The following MCTP1 variants were observed in gnomAD, a reference collection of about 807,000 sequenced individuals.
MCTP1 encodes the protein multiple C2 and transmembrane domain containing 1.
In MCTP1, 69 loss-of-function variants were observed where a neutral mutation model predicts 120.6. That is an observed-to-expected ratio of 0.57 (90% CI 0.47 to 0.70). The LOEUF (loss-of-function observed/expected upper bound fraction) is 0.70. Ranked by LOEUF, MCTP1 falls within the 30% of genes least tolerant of loss-of-function variation. The probability of loss-of-function intolerance (pLI) is 0.00; values close to 1 mark genes in which losing one functional copy is unlikely to be tolerated. For synonymous variants in MCTP1, 529 were observed against 493.1 expected (o/e 1.07, Z -0.96); for missense variants, 1,203 against 1,248.8 (o/e 0.96, Z 0.55).
chr5:94,984,488 T>C (rs1401724374), intron 2 of MCTP1, among the ~76,000 whole-genome samples: 10 of 152,130 alleles, frequency 6.6e-5, no homozygotes, highest in Admixed American at 5.9e-4. Context: ...AACTATTCAA[T>C]AGCGCATATG....
intron 4 of MCTP1, among the ~76,000 whole-genome samples, chr5:94,940,737 A>G (rs1431721503): frequency 1.3e-5 from 2 of 151,194 alleles, no homozygotes; most frequent in African/African-American, 4.8e-5. Flanking sequence ...AAAAAACTTC[A>G]TTACATTTTT....
Position 94,858,988 on chromosome 5 carries a change from T to C in MCTP1, c.2436+9345A>G, listed in dbSNP as rs536964377. ...GTCATGATCTATGACATTCCCACTG[T>C]GGAGAAATGTGTTCCAAGGTCTAAG... is the stretch of plus-strand genomic sequence containing the variant. On this transcript the variant is annotated intron_variant, in intron 17 of 22. Coordinates refer to ENST00000515393, the MANE Select transcript of MCTP1 (RefSeq NM_024717.7). 2.1e-4 allele frequency among the ~76,000 whole-genome samples: 32 copies of C among 151,798 alleles called. No individual in the cohort carries two copies. The South Asian group carries it at 6.2e-3, about 30-fold the overall frequency.
chr5:95,181,911 A>G (rs749931656), intron 1 of MCTP1, among the ~76,000 whole-genome samples: 30 of 152,208 alleles, frequency 2.0e-4, no homozygotes, highest in Non-Finnish European at 3.2e-4. Flanking sequence ...CAAAGCATGG[A>G]CTTTGGATGC....
At chr5:94,961,700 T>C (rs1824246557) in intron 2 of MCTP1, among the ~76,000 whole-genome samples, 2 of 152,176 alleles carry the variant, frequency 1.3e-5, no homozygotes, top group Non-Finnish European at 2.9e-5. Context: ...CTTAAGTAAA[T>C]CATTCCAGTG....
intron 1 of MCTP1, among the ~76,000 whole-genome samples, chr5:95,207,091 AG>A (rs991315245): frequency 6.6e-6 from 1 of 152,172 alleles, no homozygotes; most frequent in African/African-American, 2.4e-5. Context: ...AGGGTGTGTC[AG>A]GAAAAAATGT....
chr5:94,910,112 G>C (rs1808050618), intron 9 of MCTP1, among the ~76,000 whole-genome samples: 1 of 148,502 alleles, frequency 6.7e-6, no homozygotes, highest in African/African-American at 2.5e-5. Flanking sequence ...GAATATATGA[G>C]TATATATGTA....
At chr5:94,980,096 G>C in intron 2 of MCTP1, among the ~76,000 whole-genome samples, 1 of 152,092 alleles carries the variant, frequency 6.6e-6, no homozygotes, top group East Asian at 1.9e-4. Context: ...TATAGTTTTA[G>C]GAACTTTTAA....
At chr5:95,236,392 C>G (rs1158551709) in intron 1 of MCTP1, among the ~76,000 whole-genome samples, 3 of 152,124 alleles carry the variant, frequency 2.0e-5, no homozygotes, top group South Asian at 2.1e-4. Context: ...CACTTTCTTC[C>G]TAAACGCCAT....
intron 14 of MCTP1, 122 bp from the exon 15 acceptor site, chr5:94,871,095 G>A: frequency 1.3e-6 from 1 of 799,226 alleles, no homozygotes; most frequent in South Asian, 1.6e-5. Flanking sequence ...TGGCAATTCT[G>A]ACAAGTACCT....
chr5:94,895,428 A>G (rs1365275814), intron 10 of MCTP1, among the ~76,000 whole-genome samples: 1 of 152,284 alleles, frequency 6.6e-6, no homozygotes, highest in South Asian at 2.1e-4. Flanking sequence ...CTAAGAGGGG[A>G]TTTCTAATGT....
chr5:94,982,365 T>C (rs1456471456), intron 2 of MCTP1, among the ~76,000 whole-genome samples: 1 of 152,106 alleles, frequency 6.6e-6, no homozygotes, highest in African/African-American at 2.4e-5. Context: ...AGCACTAAAA[T>C]ATATTTAAGG....
chr5:95,249,798 A>G (rs1227777632), intron 1 of MCTP1, among the ~76,000 whole-genome samples: 1 of 152,226 alleles, frequency 6.6e-6, no homozygotes, highest in Non-Finnish European at 1.5e-5. Context: ...AAAATGTGGC[A>G]CATATACATC....
At chr5:94,710,590 A>G in intron 21 of MCTP1, 1 of 419,876 alleles carries the variant, frequency 2.4e-6, no homozygotes, top group Non-Finnish European at 4.2e-6. Context: ...CACAACTAAC[A>G]TGTTTATAGT....
chr5:94,733,335 T>G (rs12515845), intron 19 of MCTP1, among the ~76,000 whole-genome samples: 35,175 of 152,088 alleles, frequency 0.23, 4,182 homozygotes, highest in East Asian at 0.35. Flanking sequence ...AAACCCATAC[T>G]AATGTAATAA....
At position 94,953,384 on chromosome 5, in the gene MCTP1, C is replaced by G. The variant is rs184527638; in HGVS notation, c.839-23G>C. The G allele has an allele frequency of 3.7e-4, 567 of 1,531,188 alleles. 4 individuals are homozygous for G. In the African/African-American group the frequency reaches 7.3e-3, roughly 20 times the overall value. The allele number at this position is 1,531,188 out of a possible 1,614,324, so 94.9% of individuals were successfully genotyped here. A position where few individuals can be genotyped will look rare whatever the true frequency, so the allele number is the denominator to read the frequency against. ...TCCCTGTTAAATAGATAGATTGATC[C>G]ATGTTAATCATGACTTGGTTTGGAA... On this transcript the variant is annotated intron_variant, in intron 2 of 22. Coordinates refer to ENST00000515393, the MANE Select transcript of MCTP1 (RefSeq NM_024717.7).
intron 1 of MCTP1, among the ~76,000 whole-genome samples, chr5:95,094,789 A>C (rs1353991028): frequency 6.6e-6 from 1 of 152,120 alleles, no homozygotes; most frequent in Non-Finnish European, 1.5e-5. Flanking sequence ...ATTTATCCTG[A>C]GTATACTATT....
chr5:95,208,744 G>C (rs1751971826), intron 1 of MCTP1, among the ~76,000 whole-genome samples: 1 of 148,570 alleles, frequency 6.7e-6, no homozygotes, highest in African/African-American at 2.5e-5. Context: ...AAAAAAAAAA[G>C]TTCTAGAACA....
At chr5:95,080,329 C>T (rs955364664) in intron 1 of MCTP1, among the ~76,000 whole-genome samples, 6 of 152,118 alleles carry the variant, frequency 3.9e-5, no homozygotes, top group Admixed American at 1.3e-4. Flanking sequence ...GACCAAAAAA[C>T]CTGCAAAGGA....
At chr5:94,723,576 T>C (rs1761416196) in intron 19 of MCTP1, among the ~76,000 whole-genome samples, 1 of 152,126 alleles carries the variant, frequency 6.6e-6, no homozygotes, top group Non-Finnish European at 1.5e-5. Context: ...GTTTTGTTTT[T>C]GCTTTTTTGC....
Sources: gnomAD v4.1 joint callset for allele counts (sites outside exome capture counted in the v4.1 genomes callset) on GRCh38, gnomAD v4.1.1 for gene constraint, MANE v1.5 for transcripts, NCBI Gene and HGNC (gene_info 2026-07-23, HGNC 2026-07-21) for gene names.